PARD3: variants seen among roughly 807,000 people sequenced by gnomAD.
PARD3 encodes the protein par-3 family cell polarity regulator.
A neutral mutation model predicts 155.4 loss-of-function variants in PARD3; 75 were observed. The observed-to-expected ratio is 0.48, with a 90% CI of 0.40 to 0.58. PARD3 has a LOEUF of 0.58. Among genes scored for constraint, PARD3 ranks in the 20% least tolerant of loss-of-function variants. The pLI, the probability that PARD3 is intolerant of heterozygous loss-of-function variation, is 0.00. For synonymous variants in PARD3, 576 were observed against 610.5 expected, an observed-to-expected ratio of 0.94 and a Z score of 0.83; for missense variants, 1,642 against 1,721.7, an observed-to-expected ratio of 0.95 and a Z score of 0.82.
chr10:34,440,034 G>A (rs749636422), intron 5 of PARD3, among the ~76,000 whole-genome samples: 5 of 152,168 alleles, frequency 3.3e-5, no homozygotes, highest in Admixed American at 1.3e-4. Flanking sequence ...TACAACCACC[G>A]GGCAAAATGT....
At position 34,437,831 on chromosome 10, in the gene PARD3, TTA is replaced by T. The variant is rs1274252955; in HGVS notation, c.714+12484_714+12485del. ...TTGTTTTTCCAATTTAACAGAAAAC[TTA>T]TGTCACTTTAGTTATATAAACATGA... On this transcript the variant is annotated intron_variant, in intron 5 of 24. Coordinates refer to ENST00000374788, the MANE Select transcript of PARD3 (RefSeq NM_001184785.2). Among the ~76,000 whole-genome samples the T allele has an allele frequency of 3.9e-5, 6 of 152,358 alleles. No homozygotes were observed. In the East Asian group the frequency reaches 9.6e-4, roughly 24 times the overall value.
At chr10:34,583,348 C>T (rs1011704222) in intron 2 of PARD3, among the ~76,000 whole-genome samples, 1 of 152,096 alleles carries the variant, frequency 6.6e-6, no homozygotes, top group African/African-American at 2.4e-5. Flanking sequence ...CAAAAATAGG[C>T]TGTCAAGATA....
At chr10:34,608,070 C>T (rs2090603496) in intron 2 of PARD3, among the ~76,000 whole-genome samples, 1 of 152,144 alleles carries the variant, frequency 6.6e-6, no homozygotes, top group African/African-American at 2.4e-5. Context: ...TTCTTAGGGG[C>T]TCACTCCTCT....
Position 34,325,270 on chromosome 10 carries a change from A to G in PARD3, c.2833+5847T>C, listed in dbSNP as rs148374962. ...AGTGATCCACCTGCCTCAGCCACCC[A>G]AAGTGCTGGGATGACAGGCACCTAC... On this transcript the variant is annotated intron_variant, in intron 19 of 24. Coordinates refer to ENST00000374788, the MANE Select transcript of PARD3 (RefSeq NM_001184785.2). Among the ~76,000 whole-genome samples, 1,329 of 152,218 alleles carry G rather than the reference A, an allele frequency of 8.7e-3. 21 individuals carry two copies. Among genetic ancestry groups the G allele is most frequent in the African/African-American group, 0.031 (1,282 of 41,536 alleles).
intron 3 of PARD3, among the ~76,000 whole-genome samples, chr10:34,512,439 C>T (rs1454151094): frequency 6.6e-6 from 1 of 152,228 alleles, no homozygotes; most frequent in Non-Finnish European, 1.5e-5. Context: ...CCTAGGCCCT[C>T]TGGCCCACCC....
chr10:34,695,550 C>T (rs534954823), intron 2 of PARD3, among the ~76,000 whole-genome samples: 4 of 151,086 alleles, frequency 2.6e-5, no homozygotes, highest in South Asian at 2.1e-4. Context: ...ATTCTCAAAA[C>T]GCTGAACGTT....
At position 34,131,506 on chromosome 10, in the gene PARD3, T is replaced by A; in HGVS notation, c.3497A>T (p.Asp1166Val). Residue 1166 changes from aspartate (D) to valine (V), a missense_variant, in exon 23 of 25, where the codon GAT becomes GTT. Physicochemically the swap from Asp to Val is radical, Grantham distance 152 (BLOSUM62 -3). Coordinates refer to ENST00000374788, the MANE Select transcript of PARD3 (RefSeq NM_001184785.2). ...ATAGGTCCGCCGACGATCTTCTACA[T>A]CTTCATCTTGCTTTGCTTGCTGAAA... Reference protein sequence around the residue: ...QEFQQAKQDEDVEDRRRTYSF... With the variant: ...QEFQQAKQDEVVEDRRRTYSF... 6.2e-7 allele frequency: 1 copy of A among 1,614,152 alleles called. No homozygotes were observed. The highest frequency in any genetic ancestry group is 8.5e-7 in the Non-Finnish European group (1 of 1,179,980).
intron 22 of PARD3, among the ~76,000 whole-genome samples, chr10:34,157,049 T>TA (rs1171026152): frequency 6.6e-6 from 1 of 152,196 alleles, no homozygotes; most frequent in East Asian, 1.9e-4. Flanking sequence ...AACTGAATTG[T>TA]AAAAACCTCA....
chr10:34,668,450 T>A (rs1488439948), intron 2 of PARD3, among the ~76,000 whole-genome samples: 1 of 152,198 alleles, frequency 6.6e-6, no homozygotes, highest in Non-Finnish European at 1.5e-5. Context: ...CAGTCATCTA[T>A]CACAGTTCAC....
chr10:34,488,038 T>C (rs1019071003), intron 3 of PARD3, among the ~76,000 whole-genome samples: 1 of 152,186 alleles, frequency 6.6e-6, no homozygotes, highest in African/African-American at 2.4e-5. Flanking sequence ...CACAATACTA[T>C]ATAAAAGCGT....
Position 34,585,696 on chromosome 10 carries a change from A to T in PARD3, c.223-68537T>A, listed in dbSNP as rs78912565. ...AAATCACTCTGTCTGCACTGCTTAT[A>T]GTCTTGAAGGCTTCTGCCTTTTGTA... is the stretch of plus-strand genomic sequence containing the variant. On this transcript the variant is annotated intron_variant, in intron 2 of 24. Coordinates refer to ENST00000374788, the MANE Select transcript of PARD3 (RefSeq NM_001184785.2). 8.2e-3 allele frequency among the ~76,000 whole-genome samples: 1,243 copies of T among 152,222 alleles called. 17 individuals carry two copies. The highest frequency in any genetic ancestry group is 0.028 in the African/African-American group (1,181 of 41,550).
chr10:34,165,590 C>G (rs1949492747), intron 22 of PARD3, among the ~76,000 whole-genome samples: 1 of 152,216 alleles, frequency 6.6e-6, no homozygotes, highest in Non-Finnish European at 1.5e-5. Flanking sequence ...CTTCTCAACA[C>G]CCAACAATTT....
At chr10:34,693,765 A>G (rs1409805795) in intron 2 of PARD3, among the ~76,000 whole-genome samples, 2 of 152,204 alleles carry the variant, frequency 1.3e-5, no homozygotes, top group African/African-American at 4.8e-5. Context: ...TGGGAGGTTG[A>G]GGCTGCAGTG....
chr10:34,226,095 A>C (rs1186036959), intron 22 of PARD3, among the ~76,000 whole-genome samples: 1 of 152,260 alleles, frequency 6.6e-6, no homozygotes, highest in African/African-American at 2.4e-5. Context: ...TAAGAAGATA[A>C]GCAATCTTAT....
intron 1 of PARD3, among the ~76,000 whole-genome samples, chr10:34,736,641 T>TA (rs2094918502): frequency 7.9e-6 from 1 of 126,934 alleles, no homozygotes; most frequent in Non-Finnish European, 1.8e-5. Context: ...TAGGTTACTT[T>TA]ATTAATTAAT....
At chr10:34,241,444 C>T (rs943268706) in intron 22 of PARD3, among the ~76,000 whole-genome samples, 20 of 151,932 alleles carry the variant, frequency 1.3e-4, no homozygotes, top group Admixed American at 5.9e-4. Context: ...GCCTCAGCAG[C>T]GGGAGGGCAC....
At chr10:34,147,212 C>T (rs1387494090) in intron 22 of PARD3, among the ~76,000 whole-genome samples, 2 of 152,088 alleles carry the variant, frequency 1.3e-5, no homozygotes, top group African/African-American at 2.4e-5. Flanking sequence ...CCCCACCTCA[C>T]CCCGATAACA....
chr10:34,548,563 A>G (rs1175047844), intron 2 of PARD3, among the ~76,000 whole-genome samples: 1 of 45,004 alleles, frequency 2.2e-5, no homozygotes, highest in Non-Finnish European at 4.2e-5. Context: ...AAGATAACAG[A>G]AAAAAAAATA....
intron 2 of PARD3, among the ~76,000 whole-genome samples, chr10:34,565,197 G>A (rs940533718): frequency 9.8e-5 from 14 of 143,410 alleles, no homozygotes; most frequent in African/African-American, 2.9e-4. Context: ...ATTATATTAA[G>A]ACAGTTCTTC....
Sources: gnomAD v4.1 joint callset for allele counts (sites outside exome capture counted in the v4.1 genomes callset) on GRCh38, gnomAD v4.1.1 for gene constraint, MANE v1.5 for transcripts, NCBI Gene and HGNC (gene_info 2026-07-23, HGNC 2026-07-21) for gene names.